Variants in MYO18A observed in about 807,000 individuals in gnomAD.
MYO18A encodes unconventional myosin-XVIIIa.
Under a neutral mutation model 235.8 loss-of-function variants are expected in MYO18A, and 78 were observed. The ratio of observed to expected loss-of-function variants is 0.33; its 90% CI spans 0.28 to 0.40. The LOEUF (loss-of-function observed/expected upper bound fraction) is 0.40. MYO18A is among the 10% of genes least tolerant of loss of function. The pLI is 1.00. For synonymous variants in MYO18A, 977 were observed against 1,077.8 expected, an observed-to-expected ratio of 0.91 and a Z score of 1.83; for missense variants, 2,215 against 2,699.3, an observed-to-expected ratio of 0.82 and a Z score of 3.98.
intron 1 of MYO18A, among the ~76,000 whole-genome samples, chr17:29,173,128 CTT>C (rs1267779620): frequency 6.7e-6 from 1 of 149,284 alleles, no homozygotes; most frequent in Non-Finnish European, 1.5e-5. Context: ...GAGTTTCGCT[CTT>C]GTTGCCCAGG....
At chr17:29,093,122 A>G (rs1217082091) in intron 32 of MYO18A, 121 bp from the exon 33 acceptor site, 16 of 1,368,060 alleles carry the variant, frequency 1.2e-5, no homozygotes, top group Non-Finnish European at 1.5e-5. Flanking sequence ...TGGAAGAGCC[A>G]GGGTCATGCC....
At chr17:29,167,339 G>C (rs758796429) in intron 1 of MYO18A, among the ~76,000 whole-genome samples, 12 of 152,186 alleles carry the variant, frequency 7.9e-5, no homozygotes, top group Non-Finnish European at 1.6e-4. Context: ...CAAGGCTTAG[G>C]TGTATCTGGA....
intron 28 of MYO18A, among the ~76,000 whole-genome samples, chr17:29,096,062 C>A (rs574733785): frequency 1.3e-5 from 2 of 152,168 alleles, no homozygotes; most frequent in Non-Finnish European, 2.9e-5. Context: ...GGGGGTAACC[C>A]AGGGTCACTG....
At chr17:29,099,531 C>CCT in intron 22 of MYO18A, 103 bp downstream of exon 22, 1 of 1,442,518 alleles carries the variant, frequency 6.9e-7, no homozygotes, top group Non-Finnish European at 9.3e-7. Flanking sequence ...GACATGGTGC[C>CCT]CTGGGAGGTT....
intron 19 of MYO18A, among the ~76,000 whole-genome samples, chr17:29,107,915 C>CAAAAA (rs34077783): frequency 1.3e-5 from 1 of 76,442 alleles, no homozygotes; most frequent in Admixed American, 1.6e-4. Flanking sequence ...GACTGTGTCT[C>CAAAAA]AAAAAAAAAA....
intron 39 of MYO18A, 122 bp downstream of exon 39, chr17:29,086,316 T>G (rs1598275412): frequency 9.1e-7 from 1 of 1,104,448 alleles, no homozygotes; most frequent in South Asian, 1.5e-5. Flanking sequence ...AAAGGGAGGG[T>G]GGGTTGGCGG....
chr17:29,118,178 C>T lies in MYO18A; in HGVS notation c.1905G>A (p.Lys635=), dbSNP rs779890080. The part of the protein sequence containing the change: ...GIVPLAKPEE[K]QKAAQQFSKL... ...TACTAAACTGCTGAGCTGCCTTCTGCTTTTCCTCAGGCTGTGGAGATAGAT... is the reference window on the plus strand; with the variant it reads ...TACTAAACTGCTGAGCTGCCTTCTGTTTTTCCTCAGGCTGTGGAGATAGAT... Residue 635 remains lysine, a synonymous_variant, in exon 10 of 42, where the codon AAG becomes AAA. Coordinates refer to ENST00000527372, the MANE Select transcript of MYO18A (RefSeq NM_078471.4). This position sits in a 1 kb window ranked among gnomAD's most constrained non-coding sequence, Gnocchi z 4.2. The T allele has an allele frequency of 1.8e-5, 29 of 1,599,480 alleles. No individual in the cohort carries two copies. Among genetic ancestry groups the T allele is most frequent in the Admixed American group, 1.7e-4 (10 of 58,326 alleles).
chr17:29,155,501 C>T (rs2068048266), intron 2 of MYO18A: 1 of 152,336 alleles, frequency 6.6e-6, no homozygotes, highest in South Asian at 2.1e-4. Context: ...TGAGTCAGCT[C>T]CCTGCAGAAA....
intron 37 of MYO18A, among the ~76,000 whole-genome samples, chr17:29,089,085 A>G (rs973585622): frequency 6.6e-6 from 1 of 151,390 alleles, no homozygotes; most frequent in African/African-American, 2.4e-5. Flanking sequence ...AATGAACCTT[A>G]TAATAAAGGG....
Position 29,086,977 on chromosome 17 carries a change from C to G in MYO18A, c.5671G>C (p.Ala1891Pro). The change falls in exon 38 of 42, where the codon GCC becomes CCC. Residue 1891 changes from alanine (A) to proline (P), a missense_variant. Physicochemically the swap from Ala to Pro is conservative, Grantham distance 27. Coordinates refer to ENST00000527372, the MANE Select transcript of MYO18A (RefSeq NM_078471.4). ...RDTKEEMGEL[A>P]RKEAEASRKK... ...CGGCTCGCCTCGGCCTCCTTCCTGGCAAGCTCGCCCATCTCCTCCTTGGTG... is the reference window on the plus strand; with the variant it reads ...CGGCTCGCCTCGGCCTCCTTCCTGGGAAGCTCGCCCATCTCCTCCTTGGTG... 6.2e-7 allele frequency: 1 copy of G among 1,613,714 alleles called. No homozygotes were observed. The highest frequency in any genetic ancestry group is 1.1e-5 in the South Asian group (1 of 91,054).
chr17:29,165,065 C>T (rs781278504), intron 2 of MYO18A, among the ~76,000 whole-genome samples: 1 of 152,180 alleles, frequency 6.6e-6, no homozygotes, highest in Non-Finnish European at 1.5e-5. Flanking sequence ...ATCTGAATTC[C>T]AACTGTGACT....
intron 2 of MYO18A, among the ~76,000 whole-genome samples, chr17:29,157,773 T>C (rs2068090825): frequency 6.6e-6 from 1 of 152,062 alleles, no homozygotes; most frequent in African/African-American, 2.4e-5. Context: ...GGCATTTCTG[T>C]TTAGTTCAGT....
At chr17:29,083,684 C>T (rs1019018716) in intron 40 of MYO18A, among the ~76,000 whole-genome samples, 2 of 152,128 alleles carry the variant, frequency 1.3e-5, no homozygotes, top group African/African-American at 4.8e-5. Flanking sequence ...GGCTGATGCC[C>T]CGGGTAAACA....
chr17:29,137,526 C>T (rs923753428), intron 2 of MYO18A, among the ~76,000 whole-genome samples: 24 of 152,176 alleles, frequency 1.6e-4, no homozygotes, highest in Non-Finnish European at 3.4e-4. Flanking sequence ...CCACAAAATG[C>T]ATCATCCTCT....
chr17:29,123,230 C>A (rs1479477763), intron 2 of MYO18A, among the ~76,000 whole-genome samples: 1 of 152,154 alleles, frequency 6.6e-6, no homozygotes, highest in Non-Finnish European at 1.5e-5. Flanking sequence ...GACGAGGGAC[C>A]CAGGGCCCAT....
chr17:29,161,102 C>A (rs1207228258), intron 2 of MYO18A, among the ~76,000 whole-genome samples: 1 of 152,158 alleles, frequency 6.6e-6, no homozygotes, highest in Admixed American at 6.5e-5. Flanking sequence ...CGCCTATAAT[C>A]CCAGCACTTT....
In MYO18A at chr17:29,143,196, T is replaced by C. The variant is rs149098255; in HGVS notation, c.1000-20943A>G. 3.3e-4 allele frequency among the ~76,000 whole-genome samples: 50 copies of C among 152,348 alleles called. No homozygotes were observed. In the East Asian group the frequency reaches 9.1e-3, roughly 28 times the overall value. Reference sequence around the variant, plus strand: ...TACATGGGTTAAAAGAATTAGTTCATACATAGCTCTGAGAACGGTGTCCAG... The same window carrying C: ...TACATGGGTTAAAAGAATTAGTTCACACATAGCTCTGAGAACGGTGTCCAG... On this transcript the variant is annotated intron_variant, in intron 2 of 41. Transcript: ENST00000527372.
rs532903127 is a variant in MYO18A, at chr17:29,161,775, C to T, written c.999+4167G>A. On this transcript the variant is annotated intron_variant, in intron 2 of 41. Coordinates refer to ENST00000527372, the MANE Select transcript of MYO18A (RefSeq NM_078471.4). ...CCTAGTCTCCAGCCTGGCCTCTGCCCCTTCTCAATGGGCCTTGACTTTCCC... is the reference window on the plus strand; with the variant it reads ...CCTAGTCTCCAGCCTGGCCTCTGCCTCTTCTCAATGGGCCTTGACTTTCCC... Among the ~76,000 whole-genome samples the T allele has an allele frequency of 2.0e-5, 3 of 152,360 alleles. No individual in the cohort carries two copies. In the South Asian group the frequency reaches 6.2e-4, roughly 32 times the overall value.
rs543003341 is a variant in MYO18A, at chr17:29,089,376, G to A, written c.5526+585C>T. Among the ~76,000 whole-genome samples the A allele has an allele frequency of 1.5e-4, 17 of 113,992 alleles. No individual in the cohort carries two copies. In the South Asian group the frequency reaches 4.1e-3, roughly 28 times the overall value. 74.8% of individuals were successfully genotyped at this position (113,992 alleles called of 152,430 possible). On this transcript the variant is annotated intron_variant, in intron 37 of 41. Transcript: ENST00000527372. ...GTGGAGGTTGCAGTGAGCCGAGATC[G>A]TACCACTGCACTCAAGCCTGGCGAC...
Sources: allele counts gnomAD v4.1 joint callset (sites outside exome capture counted in the v4.1 genomes callset), GRCh38; gene constraint gnomAD v4.1.1; non-coding constraint Gnocchi (gnomAD v3.1); transcripts MANE v1.5; gene names NCBI Gene and HGNC (gene_info 2026-07-23, HGNC 2026-07-21).